The following DCAF15 variants were observed in gnomAD, a reference collection of about 807,000 sequenced individuals.
DCAF15 encodes the protein DDB1 and CUL4 associated factor 15.
Under a neutral mutation model 68.0 loss-of-function variants are expected in DCAF15, and 24 were observed. That is an observed-to-expected ratio of 0.35 (90% CI 0.26 to 0.50). The LOEUF is 0.50. Ranked by LOEUF, DCAF15 falls within the 20% of genes least tolerant of loss-of-function variation. The probability of loss-of-function intolerance (pLI) is 0.98; values close to 1 mark genes in which losing one functional copy is unlikely to be tolerated. For missense variants in DCAF15, 627 were observed against 830.6 expected, an observed-to-expected ratio of 0.75 and a Z score of 3.01; for synonymous variants, 376 against 341.6, an observed-to-expected ratio of 1.10 and a Z score of -1.11.
intron 5 of DCAF15, 44 bp from the exon 6 acceptor site, chr19:13,956,308 T>C (rs771762305): frequency 1.2e-6 from 2 of 1,611,826 alleles, no homozygotes; most frequent in Admixed American, 1.7e-5. Flanking sequence ...CTCCCCCCCT[T>C]GCTCCGGGCC....
At chr19:13,954,249 C>A (rs1373756275) in intron 1 of DCAF15, 91 bp from the exon 2 acceptor site, 1 of 1,129,102 alleles carries the variant, frequency 8.9e-7, no homozygotes, top group Non-Finnish European at 1.3e-6. Flanking sequence ...CCGGTCTGGA[C>A]CCGGTGAGAG....
intron 4 of DCAF15, 42 bp from the exon 5 acceptor site, chr19:13,956,081 C>T: frequency 1.2e-6 from 2 of 1,610,574 alleles, no homozygotes; most frequent in Non-Finnish European, 1.7e-6. Flanking sequence ...GTGGGGGCCC[C>T]CCAGGCGCCG....
At chr19:13,958,063 C>T (rs1167502625) in intron 6 of DCAF15, among the ~76,000 whole-genome samples, 3 of 152,166 alleles carry the variant, frequency 2.0e-5, no homozygotes, top group African/African-American at 7.2e-5. Context: ...CTGGGGCTTT[C>T]TGTCCTCACC....
chr19:13,953,051 G>A, intron 1 of DCAF15: 4 of 1,532,160 alleles, frequency 2.6e-6, no homozygotes, highest in Non-Finnish European at 3.5e-6. Flanking sequence ...CTGGCTTTGG[G>A]CTTCCTCCGC....
intron 6 of DCAF15, among the ~76,000 whole-genome samples, 193 bp from the exon 7 acceptor site, chr19:13,958,852 C>T (rs780359868): frequency 5.3e-5 from 8 of 152,252 alleles, no homozygotes; most frequent in Non-Finnish European, 1.0e-4. Context: ...TTTGAATGAA[C>T]GTCTGCACGC....
chr19:13,958,963 G>A, intron 6 of DCAF15, 82 bp from the exon 7 acceptor site: 1 of 1,486,416 alleles, frequency 6.7e-7, no homozygotes, highest in Non-Finnish European at 9.0e-7. Flanking sequence ...TCCTTAAGGT[G>A]GGTTTCTGAA....
At position 13,954,536 on chromosome 19, in the gene DCAF15, C is replaced by T. The variant is rs750763061; in HGVS notation, c.241C>T (p.Leu81=). ...CCTCCACCCCCACAGACATATCTTCCTGGGCTTTTCCAAATGCGGCCGCTA... is the reference window on the plus strand; with the variant it reads ...CCTCCACCCCCACAGACATATCTTCTTGGGCTTTTCCAAATGCGGCCGCTA... ...EDFLYAGHIF[L]GFSKCGRYVL... The change falls in exon 3 of 13, where the codon CTG becomes TTG. Residue 81 remains leucine (L), a synonymous_variant. Coordinates refer to ENST00000254337, the MANE Select transcript of DCAF15 (RefSeq NM_138353.4). The T allele has an allele frequency of 5.4e-5, 87 of 1,614,104 alleles. No individual in the cohort carries two copies. Among genetic ancestry groups the T allele is most frequent in the Non-Finnish European group, 6.8e-5 (80 of 1,180,044 alleles).
chr19:13,955,655 T>C (rs1973327056), intron 3 of DCAF15, among the ~76,000 whole-genome samples: 1 of 152,156 alleles, frequency 6.6e-6, no homozygotes, highest in Admixed American at 6.5e-5. Context: ...CAGGGTAGGC[T>C]GGGCTTGGAA....
intron 1 of DCAF15, 54 bp from the exon 2 acceptor site, chr19:13,954,286 G>A (rs1050412088): frequency 1.5e-5 from 23 of 1,502,166 alleles, no homozygotes; most frequent in Non-Finnish European, 2.1e-5. Flanking sequence ...CCGTGGGTGA[G>A]GGGGCTGGGG....
Position 13,960,599 on chromosome 19 carries a change from GTGA to G in DCAF15, c.1747+22_1747+24del. On this transcript the variant is annotated intron_variant, in intron 12 of 12. Coordinates refer to ENST00000254337, the MANE Select transcript of DCAF15 (RefSeq NM_138353.4). ...CACAAAGGTGGGGCTCGGTGACCCC[GTGA>G]TGGTCAGGGTCACCAGGAACACTTG... The G allele has an allele frequency of 6.4e-7, 1 of 1,553,358 alleles. No individual in the cohort carries two copies. Among genetic ancestry groups the G allele is most frequent in the Non-Finnish European group, 8.7e-7 (1 of 1,147,414 alleles).
rs571046259 is a variant in DCAF15, at chr19:13,956,438, G to T, written c.700G>T (p.Ala234Ser). 1 of 1,613,836 alleles carries T rather than the reference G, an allele frequency of 6.2e-7. No homozygotes were observed. Among genetic ancestry groups the T allele is most frequent in the Non-Finnish European group, 8.5e-7 (1 of 1,180,014 alleles). ...CTACCCCTTCCCCACCTTCCAGCCC[G>T]CCTTCCAGCTCAAGAAGGACCAGGT... ...VVYPFPTFQP[A>S]FQLKKDQVVL... Residue 234 changes from alanine to serine, a missense_variant, in exon 6 of 13, where the codon GCC becomes TCC. By Grantham distance (99) the Ala-to-Ser change is moderately conservative (BLOSUM62 1). Around this residue, in one of 3 missense-constraint regions of DCAF15, gnomAD observed 273 missense variants for 393.7 expected, o/e 0.69. Transcript: ENST00000254337.
At position 13,959,629 on chromosome 19, in the gene DCAF15, C is replaced by T. The variant is rs749392677; in HGVS notation, c.1267C>T (p.Arg423Cys). The change falls in exon 8 of 13, where the codon CGT becomes TGT. Residue 423 changes from arginine (R) to cysteine (C), a missense_variant. Arg to Cys is a radical substitution (Grantham distance 180). Transcript: ENST00000254337. ...ISLPFVVTDL[R>C]GRNLRPMRER... ...CCTGCCCTTCGTGGTGACTGATCTT[C>T]GTGGCCGCAACCTGCGGCCCATGCG... The T allele has an allele frequency of 1.3e-5, 21 of 1,612,980 alleles. No homozygotes were observed. Among genetic ancestry groups the T allele is most frequent in the Admixed American group, 8.3e-5 (5 of 59,984 alleles).
chr19:13,955,758 C>T (rs1973331025), intron 3 of DCAF15, among the ~76,000 whole-genome samples, 154 bp from the exon 4 acceptor site: 1 of 152,208 alleles, frequency 6.6e-6, no homozygotes, highest in South Asian at 2.1e-4. Context: ...GGAGCCTCCA[C>T]GGCTGTCCTC....
intron 1 of DCAF15, among the ~76,000 whole-genome samples, chr19:13,953,725 C>T (rs760446600): frequency 2.6e-5 from 4 of 152,218 alleles, no homozygotes; most frequent in Non-Finnish European, 5.9e-5. Context: ...TGTCAGTCCC[C>T]GCAGATCCTT....
intron 3 of DCAF15, among the ~76,000 whole-genome samples, chr19:13,954,874 G>A (rs138311825): frequency 5.3e-5 from 8 of 152,316 alleles, no homozygotes; most frequent in African/African-American, 1.9e-4. Context: ...GGGAGGCCAA[G>A]GCGGGAGGAT....
Position 13,959,468 on chromosome 19 carries a change from A to G in DCAF15, c.1208A>G (p.Glu403Gly). Residue 403 changes from glutamate (E) to glycine (G), a missense_variant, in exon 7 of 13, where the codon GAG becomes GGG. Transcript: ENST00000254337. The part of the protein sequence containing the change: ...YYVLESGEGT[E>G]PEDELEDDKI... ...GTGCTGGAGTCCGGAGAGGGGACGG[A>G]GCCGGAGGATGGTGAGCGGGGGGCA... 1 of 1,609,532 alleles carries G rather than the reference A, an allele frequency of 6.2e-7. No individual in the cohort carries two copies. The highest frequency in any genetic ancestry group is 8.5e-7 in the Non-Finnish European group (1 of 1,177,958).
At chr19:13,952,677 G>T in intron 1 of DCAF15, 33 bp downstream of exon 1, 2 of 1,289,800 alleles carry the variant, frequency 1.6e-6, no homozygotes, top group Non-Finnish European at 2.0e-6. Flanking sequence ...GGAGCGCGCC[G>T]GAGGGTGGGG....
At position 13,959,042 on chromosome 19, in the gene DCAF15, T is replaced by C. The variant is rs1328374279; in HGVS notation, c.785-3T>C. 1.0e-5 allele frequency: 16 copies of C among 1,594,444 alleles called. No homozygotes were observed. The highest frequency in any genetic ancestry group is 1.4e-5 in the Non-Finnish European group (16 of 1,169,618). On this transcript the variant is annotated splice_polypyrimidine_tract_variant and splice_region_variant and intron_variant, in intron 6 of 12. Transcript: ENST00000254337. The stretch of plus-strand genomic sequence containing the variant: ...ACACTTCTCCACCCCCATCTCTTCT[T>C]AGGTGACAGGAGTTTCTGCCAAATC...
chr19:13,956,300 C>G, intron 5 of DCAF15, 38 bp downstream of exon 5: 2 of 1,609,848 alleles, frequency 1.2e-6, no homozygotes, highest in African/African-American at 1.3e-5. Flanking sequence ...CTTCCCCCCT[C>G]CCCCCCTTGC....
Sources: allele counts gnomAD v4.1 joint callset (sites outside exome capture counted in the v4.1 genomes callset), GRCh38; gene constraint gnomAD v4.1.1; regional missense constraint gnomAD v4.1.1; transcripts MANE v1.5; gene names NCBI Gene and HGNC (gene_info 2026-07-23, HGNC 2026-07-21).